Variants in OSGEPL1 observed in about 807,000 individuals in gnomAD.
OSGEPL1 encodes O-sialoglycoprotein endopeptidase like 1, also known as tRNA N6-adenosine threonylcarbamoyltransferase, mitochondrial.
Under a neutral mutation model 37.2 loss-of-function variants are expected in OSGEPL1, and 26 were observed. The ratio of observed to expected loss-of-function variants is 0.70; its 90% CI spans 0.51 to 0.97. The LOEUF is 0.97. OSGEPL1 is among the 50% of genes least tolerant of loss of function. The pLI is 0.00. For synonymous variants in OSGEPL1, 140 were observed against 159.9 expected (o/e 0.88, Z 0.94); for missense variants, 404 against 487.0 (o/e 0.83, Z 1.60).
intron 2 of OSGEPL1, among the ~76,000 whole-genome samples, chr2:189,760,232 C>T (rs1421218155): frequency 4.6e-5 from 7 of 152,190 alleles, no homozygotes; most frequent in Non-Finnish European, 8.8e-5. Flanking sequence ...TCGACAAAAC[C>T]GCCATTGTCA....
chr2:189,754,226 C>T lies in OSGEPL1; in HGVS notation c.729G>A (p.Leu243=), dbSNP rs779150537. 6 of 1,613,716 alleles carry T rather than the reference C, an allele frequency of 3.7e-6. No individual in the cohort carries two copies. The highest frequency in any genetic ancestry group is 3.3e-5 in the South Asian group (3 of 91,076). ...NRFHFDIKPP[L]HHAKNCDFSF... is the part of the protein sequence containing the mutation. ...AAAAATCACAATTTTTAGCATGATGCAAGGGAGGTTTGATGTCAAAATGAA... is the reference window on the plus strand; with the variant it reads ...AAAAATCACAATTTTTAGCATGATGTAAGGGAGGTTTGATGTCAAAATGAA... The change falls in exon 4 of 9, where the codon TTG becomes TTA. Residue 243 remains leucine, a synonymous_variant. Transcript: ENST00000264151.
intron 2 of OSGEPL1, among the ~76,000 whole-genome samples, chr2:189,758,145 G>A (rs2046362444): frequency 6.6e-6 from 1 of 152,208 alleles, no homozygotes; most frequent in Non-Finnish European, 1.5e-5. Flanking sequence ...CACTTTGGGA[G>A]GCCGAGGTGG....
intron 7 of OSGEPL1, among the ~76,000 whole-genome samples, chr2:189,751,141 GCTGT>G (rs368394713): frequency 9.2e-5 from 14 of 152,090 alleles, no homozygotes; most frequent in African/African-American, 2.9e-4. Context: ...CTTAGTTCCT[GCTGT>G]CTTTTTCTGT....
intron 2 of OSGEPL1, 189 bp downstream of exon 2, chr2:189,761,231 T>C (rs2047021873): frequency 2.1e-6 from 1 of 477,156 alleles, no homozygotes; most frequent in Admixed American, 4.2e-5. Context: ...TTAGTTAAGG[T>C]TGGGACCTTA....
chr2:189,759,109 G>A (rs1333325529), intron 2 of OSGEPL1, among the ~76,000 whole-genome samples: 1 of 152,092 alleles, frequency 6.6e-6, no homozygotes, highest in African/African-American at 2.4e-5. Context: ...TTAAACCAAG[G>A]ACTTTGCAGT....
intron 2 of OSGEPL1, among the ~76,000 whole-genome samples, chr2:189,757,607 G>C (rs2046272282): frequency 6.6e-6 from 1 of 152,204 alleles, no homozygotes; most frequent in Admixed American, 6.5e-5. Context: ...AAAAAACTGT[G>C]CACAGTATCA....
At chr2:189,753,835 C>T in intron 5 of OSGEPL1, 81 bp downstream of exon 5, 1 of 1,456,742 alleles carries the variant, frequency 6.9e-7, no homozygotes, top group Non-Finnish European at 9.3e-7. Context: ...TCTGTTCATC[C>T]TAAACACAAG....
At chr2:189,753,823 G>T (rs1326795286) in intron 5 of OSGEPL1, 93 bp downstream of exon 5, 3 of 1,325,640 alleles carry the variant, frequency 2.3e-6, no homozygotes, top group Non-Finnish European at 3.1e-6. Flanking sequence ...AAGGCATAAA[G>T]ATCTGTTCAT....
Position 189,752,640 on chromosome 2 carries a change from T to G in OSGEPL1, c.1166+13A>C. ...ATGTAACTTGCATAAAGATCATGAATGATACCACATACTTTGGTTCATAGC... is the reference window on the plus strand; with the variant it reads ...ATGTAACTTGCATAAAGATCATGAAGGATACCACATACTTTGGTTCATAGC... On this transcript the variant is annotated intron_variant, in intron 7 of 8. Coordinates refer to ENST00000264151, the MANE Select transcript of OSGEPL1 (RefSeq NM_022353.3). The G allele has an allele frequency of 1.2e-6, 2 of 1,613,324 alleles. No individual in the cohort carries two copies. Among genetic ancestry groups the G allele is most frequent in the Non-Finnish European group, 1.7e-6 (2 of 1,179,644 alleles).
Position 189,752,940 on chromosome 2 carries a change from T to C in OSGEPL1, c.1003A>G (p.Arg335Gly). ...GGVASNFYIR[R>G]ALEILTNATQ... ...GCATTTGTTAAAATTTCCAGAGCTC[T>C]GCGGATATAGAAGTTACTTGCGACA... Residue 335 changes from arginine to glycine, a missense_variant, in exon 6 of 9, where the codon AGA (arginine) becomes GGA (glycine). Coordinates refer to ENST00000264151, the MANE Select transcript of OSGEPL1 (RefSeq NM_022353.3). 1.2e-6 allele frequency: 2 copies of C among 1,613,164 alleles called. No individual in the cohort carries two copies. Among genetic ancestry groups the C allele is most frequent in the South Asian group, 1.1e-5 (1 of 90,798 alleles).
At chr2:189,761,945 A>C (rs550073859) in intron 1 of OSGEPL1, among the ~76,000 whole-genome samples, 16 of 152,344 alleles carry the variant, frequency 1.1e-4, no homozygotes, top group Non-Finnish European at 1.9e-4. Context: ...ACAATAATTG[A>C]TAGAGTCCTC....
At chr2:189,758,592 T>A (rs1357329566) in intron 2 of OSGEPL1, among the ~76,000 whole-genome samples, 1 of 152,184 alleles carries the variant, frequency 6.6e-6, no homozygotes, top group East Asian at 1.9e-4. Context: ...TCTCAGGTAT[T>A]TCGTTATAGC....
In OSGEPL1 at chr2:189,752,699, C is replaced by G. The variant is rs1441218357; in HGVS notation, c.1120G>C (p.Gly374Arg). ...AWNGIERLRA[G>R]LGILHDIEGI... Reference sequence around the variant, plus strand: ...TCTATGTCATGTAAAATGCCCAAGCCAGCACGTAGTCTTTCAATACCATTC... The same window carrying G: ...TCTATGTCATGTAAAATGCCCAAGCGAGCACGTAGTCTTTCAATACCATTC... Residue 374 changes from glycine to arginine, a missense_variant, in exon 7 of 9, where the codon GGC becomes CGC. Physicochemically the swap from Gly to Arg is moderately radical, Grantham distance 125 (BLOSUM62 -2). Coordinates refer to ENST00000264151, the MANE Select transcript of OSGEPL1 (RefSeq NM_022353.3). 6.2e-7 allele frequency: 1 copy of G among 1,613,874 alleles called. No homozygotes were observed. The highest frequency in any genetic ancestry group is 2.2e-5 in the East Asian group (1 of 44,866).
rs941936646 is a variant in OSGEPL1 at position 189,755,495 on chromosome 2, T to C, written c.287A>G (p.Gln96Arg). Residue 96 changes from glutamine (Q) to arginine (R), a missense_variant, in exon 3 of 9, where the codon CAA becomes CGA. Physicochemically the swap from Gln to Arg is conservative, Grantham distance 43. Coordinates refer to ENST00000264151, the MANE Select transcript of OSGEPL1 (RefSeq NM_022353.3). ...GACTCCACTGGCAGAAAGAGCTTCT[T>C]GTACTATTCGTTGAATATTTTCTCT... is the stretch of plus-strand genomic sequence containing the variant. The part of the protein sequence containing the change: ...LHRENIQRIV[Q>R]EALSASGVSP... The C allele has an allele frequency of 6.9e-6, 11 of 1,603,558 alleles. No individual in the cohort carries two copies. The highest frequency in any genetic ancestry group is 2.7e-5 in the African/African-American group (2 of 74,184).
intron 8 of OSGEPL1, 82 bp downstream of exon 8, chr2:189,750,467 AT>A (rs2044998697): frequency 8.5e-6 from 5 of 588,898 alleles, no homozygotes; most frequent in Admixed American, 7.2e-5. Flanking sequence ...AAAAAATAAA[AT>A]CTTGATGAAT....
chr2:189,749,635 A>G (rs917105421), intron 8 of OSGEPL1, among the ~76,000 whole-genome samples: 3 of 152,242 alleles, frequency 2.0e-5, no homozygotes, highest in African/African-American at 7.2e-5. Flanking sequence ...GTGGACAACT[A>G]AAGCGTACAA....
At chr2:189,762,058 T>C (rs2047152083) in intron 1 of OSGEPL1, among the ~76,000 whole-genome samples, 2 of 152,196 alleles carry the variant, frequency 1.3e-5, no homozygotes, top group Non-Finnish European at 2.9e-5. Context: ...AAAAATACTG[T>C]TAATGTATTC....
At position 189,746,757 on chromosome 2, in the gene OSGEPL1, C is replaced by A; in HGVS notation, c.*440G>T. The stretch of plus-strand genomic sequence containing the variant: ...GAAAGTTCTTGATCTCGATACTAAG[C>A]AGATTTTCCTTAGCATGTCTACAGG... On this transcript the variant is annotated 3_prime_UTR_variant, in exon 9 of 9. Coordinates refer to ENST00000264151, the MANE Select transcript of OSGEPL1 (RefSeq NM_022353.3). 1 of 923,524 alleles carries A rather than the reference C, an allele frequency of 1.1e-6. No homozygotes were observed. Among genetic ancestry groups the A allele is most frequent in the Middle Eastern group, 3.1e-4 (1 of 3,262 alleles). The allele number at this position is 923,524 out of a possible 1,614,324, so 57.2% of individuals were successfully genotyped here.
chr2:189,746,896 A>G lies in OSGEPL1; in HGVS notation c.*301T>C, dbSNP rs1323516280. Reference sequence around the variant, plus strand: ...GACATGAGTGGTATAACTAGTGTATATATCAAGAGTTAACATTTTTAAATT... The same window carrying G: ...GACATGAGTGGTATAACTAGTGTATGTATCAAGAGTTAACATTTTTAAATT... On this transcript the variant is annotated 3_prime_UTR_variant, in exon 9 of 9. Transcript: ENST00000264151. 2 of 229,484 alleles carry G rather than the reference A, an allele frequency of 8.7e-6. No homozygotes were observed. Among genetic ancestry groups the G allele is most frequent in the Non-Finnish European group, 1.7e-5 (2 of 120,096 alleles). 14.2% of individuals were successfully genotyped at this position (229,484 alleles called of 1,614,324 possible).
Sources: allele counts gnomAD v4.1 joint callset (sites outside exome capture counted in the v4.1 genomes callset), GRCh38; gene constraint gnomAD v4.1.1; transcripts MANE v1.5; gene names NCBI Gene and HGNC (gene_info 2026-07-23, HGNC 2026-07-21).